The following ADAMTS6 variants were observed in gnomAD, a reference collection of about 807,000 sequenced individuals.
ADAMTS6 encodes the protein ADAM metallopeptidase with thrombospondin type 1 motif 6.
ADAMTS6 carries 23 observed loss-of-function variants against 144.3 expected under a neutral mutation model. That is an observed-to-expected ratio of 0.16 (90% CI 0.11 to 0.23). The LOEUF (loss-of-function observed/expected upper bound fraction) is 0.23, where lower values mean the gene tolerates loss of function less well. Ranked by LOEUF, ADAMTS6 falls within the 10% of genes least tolerant of loss-of-function variation. The pLI is 1.00. For synonymous variants in ADAMTS6, 444 were observed against 457.5 expected, an observed-to-expected ratio of 0.97 and a Z score of 0.38; for missense variants, 999 against 1,379.6, an observed-to-expected ratio of 0.72 and a Z score of 4.37.
At chr5:65,212,221 T>C (rs548470929) in intron 20 of ADAMTS6, among the ~76,000 whole-genome samples, 1 of 152,266 alleles carries the variant, frequency 6.6e-6, no homozygotes, top group Admixed American at 6.5e-5. Flanking sequence ...CCGAAACAAA[T>C]GGCAGCTCTT....
In ADAMTS6 at chr5:65,242,249, T is replaced by C. The variant is rs139316172; in HGVS notation, c.1831-43A>G. ...CATAAATGGTACCATTGTTGGAAAA[T>C]ACCAAAAGCAAGGGACAATGTCCCT... On this transcript the variant is annotated intron_variant, in intron 14 of 24. Coordinates refer to ENST00000381055, the MANE Select transcript of ADAMTS6 (RefSeq NM_197941.4). 11 of 1,472,290 alleles carry C rather than the reference T, an allele frequency of 7.5e-6. No homozygotes were observed. In the African/African-American group the frequency reaches 8.3e-5, roughly 11 times the overall value. 91.2% of individuals were successfully genotyped at this position (1,472,290 alleles called of 1,614,324 possible).
intron 7 of ADAMTS6, among the ~76,000 whole-genome samples, chr5:65,375,660 G>A (rs1248465135): frequency 1.3e-5 from 2 of 152,064 alleles, no homozygotes; most frequent in Admixed American, 6.5e-5. Flanking sequence ...TACACTGTTG[G>A]TGGGACTGTA....
rs769286122 is a variant in ADAMTS6 at position 65,277,901 on chromosome 5, G to A, written c.1513-4454C>T. Among the ~76,000 whole-genome samples, 112 of 151,970 alleles carry A rather than the reference G, an allele frequency of 7.4e-4. 9 individuals are homozygous for A. Among genetic ancestry groups the A allele is most frequent in the Non-Finnish European group, 1.2e-4 (8 of 68,002 alleles). ...TTTTGTTACATGGATGAATTATACC[G>A]TGGTGAATTTTGAGATTTTAGTGCA... On this transcript the variant is annotated intron_variant, in intron 11 of 24. Coordinates refer to ENST00000381055, the MANE Select transcript of ADAMTS6 (RefSeq NM_197941.4).
chr5:65,344,031 T>C (rs1454635943), intron 7 of ADAMTS6, among the ~76,000 whole-genome samples: 2 of 152,018 alleles, frequency 1.3e-5, no homozygotes, highest in Admixed American at 1.3e-4. Flanking sequence ...TCTCCCTGGC[T>C]AGTCACATCA....
At chr5:65,370,533 G>A (rs549977937) in intron 7 of ADAMTS6, among the ~76,000 whole-genome samples, 22 of 152,240 alleles carry the variant, frequency 1.4e-4, no homozygotes, top group African/African-American at 5.3e-4. Context: ...CTGGAAAGTC[G>A]GGTCACTCCC....
chr5:65,207,288 T>C (rs1300505934), intron 20 of ADAMTS6, among the ~76,000 whole-genome samples: 1 of 151,992 alleles, frequency 6.6e-6, no homozygotes, highest in African/African-American at 2.4e-5. Context: ...GGAAAAAAAA[T>C]TGGAGAAAGT....
At chr5:65,272,326 C>A (rs1762116089) in intron 12 of ADAMTS6, among the ~76,000 whole-genome samples, 1 of 152,046 alleles carries the variant, frequency 6.6e-6, no homozygotes. Context: ...AGTACACAAA[C>A]TGCTACTATC....
At chr5:65,360,810 A>C (rs1749759995) in intron 7 of ADAMTS6, among the ~76,000 whole-genome samples, 1 of 152,208 alleles carries the variant, frequency 6.6e-6, no homozygotes, top group African/African-American at 2.4e-5. Flanking sequence ...AAGAAGAAGC[A>C]AAATATGTTC....
intron 14 of ADAMTS6, among the ~76,000 whole-genome samples, chr5:65,245,366 C>G (rs1475026660): frequency 6.6e-6 from 1 of 152,086 alleles, no homozygotes; most frequent in Non-Finnish European, 1.5e-5. Context: ...GAAGAAGAAT[C>G]TTTTTTGTAG....
chr5:65,171,587 T>C (rs1439910411), intron 23 of ADAMTS6, among the ~76,000 whole-genome samples: 1 of 152,166 alleles, frequency 6.6e-6, no homozygotes, highest in East Asian at 1.9e-4. Context: ...TATTGCTCCC[T>C]ATTTATTATA....
At chr5:65,333,476 A>AT (rs1746977044) in intron 8 of ADAMTS6, among the ~76,000 whole-genome samples, 1 of 151,958 alleles carries the variant, frequency 6.6e-6, no homozygotes, top group Non-Finnish European at 1.5e-5. Context: ...TTATAAGATT[A>AT]TTTTTTGTTG....
intron 3 of ADAMTS6, among the ~76,000 whole-genome samples, chr5:65,469,709 G>T (rs1760289041): frequency 6.6e-6 from 1 of 152,180 alleles, no homozygotes; most frequent in Non-Finnish European, 1.5e-5. Flanking sequence ...TACATCTACA[G>T]TGAAATGTTT....
chr5:65,175,768 T>C (rs954333856), intron 22 of ADAMTS6, among the ~76,000 whole-genome samples: 3 of 152,044 alleles, frequency 2.0e-5, no homozygotes, highest in African/African-American at 7.2e-5. Context: ...GCAGGTTTCC[T>C]TACAGGGGAT....
At chr5:65,442,108 C>T (rs191969669) in intron 7 of ADAMTS6, among the ~76,000 whole-genome samples, 7 of 139,008 alleles carry the variant, frequency 5.0e-5, no homozygotes, top group East Asian at 2.1e-4. Context: ...AAAAAAAAAA[C>T]GAAACCAAAT....
intron 7 of ADAMTS6, among the ~76,000 whole-genome samples, chr5:65,409,406 G>A (rs1302819257): frequency 6.6e-6 from 1 of 152,092 alleles, no homozygotes; most frequent in Admixed American, 6.6e-5. Flanking sequence ...AGAAGAAATC[G>A]ATAAATTCCT....
At chr5:65,434,884 G>A (rs1257821343) in intron 7 of ADAMTS6, among the ~76,000 whole-genome samples, 1 of 152,064 alleles carries the variant, frequency 6.6e-6, no homozygotes, top group Non-Finnish European at 1.5e-5. Context: ...TCTACTTCTA[G>A]GTATTTGCCC....
In ADAMTS6 at chr5:65,394,578, G is replaced by A. The variant is rs540126643; in HGVS notation, c.1073+56897C>T. On this transcript the variant is annotated intron_variant, in intron 7 of 24. Transcript: ENST00000381055. ...ATAATAACATGGATTGGGTTGAGGA[G>A]GATTGCTCAAGTAGGGAATTAAGGT... 7.2e-5 allele frequency among the ~76,000 whole-genome samples: 11 copies of A among 152,278 alleles called. No homozygotes were observed. In the South Asian group the frequency reaches 2.1e-3, roughly 29 times the overall value.
chr5:65,342,888 T>C (rs1435034798), intron 7 of ADAMTS6, among the ~76,000 whole-genome samples: 1 of 152,144 alleles, frequency 6.6e-6, no homozygotes, highest in East Asian at 1.9e-4. Context: ...CAAAAATCAG[T>C]AGCATTTCTA....
chr5:65,179,204 A>C (rs1342410493), intron 22 of ADAMTS6, among the ~76,000 whole-genome samples: 1 of 152,158 alleles, frequency 6.6e-6, no homozygotes, highest in African/African-American at 2.4e-5. Context: ...TGTATACATC[A>C]AGTCACTGAG....
Sources: allele counts gnomAD v4.1 joint callset (sites outside exome capture counted in the v4.1 genomes callset), GRCh38; gene constraint gnomAD v4.1.1; transcripts MANE v1.5; gene names NCBI Gene and HGNC (gene_info 2026-07-23, HGNC 2026-07-21).